The following MLLT10 variants were observed in gnomAD, a reference collection of about 807,000 sequenced individuals.
MLLT10 encodes MLLT10 histone lysine methyltransferase DOT1L cofactor, also known as protein AF-10.
In MLLT10, 30 loss-of-function variants were observed where a neutral mutation model predicts 129.1. That is an observed-to-expected ratio of 0.23 (90% CI 0.17 to 0.32). The LOEUF (loss-of-function observed/expected upper bound fraction) is 0.32, where lower values mean the gene tolerates loss of function less well. Among genes scored for constraint, MLLT10 ranks in the 10% least tolerant of loss-of-function variants. The probability of loss-of-function intolerance (pLI) is 1.00; values close to 1 mark genes in which losing one functional copy is unlikely to be tolerated. For missense variants in MLLT10, 1,119 were observed against 1,268.3 expected (o/e 0.88, Z 1.79); for synonymous variants, 490 against 446.4 (o/e 1.10, Z -1.23).
intron 5 of MLLT10, among the ~76,000 whole-genome samples, chr10:21,597,226 A>G (rs1364199803): frequency 6.6e-6 from 1 of 152,226 alleles, no homozygotes; most frequent in African/African-American, 2.4e-5. Flanking sequence ...TCTCTTGGGA[A>G]TATACAATAT....
intron 3 of MLLT10, among the ~76,000 whole-genome samples, chr10:21,583,025 C>T (rs2041633372): frequency 6.6e-6 from 1 of 152,064 alleles, no homozygotes; most frequent in South Asian, 2.1e-4. Flanking sequence ...AAAAAGTTAG[C>T]TGGACGTGGT....
intron 10 of MLLT10, among the ~76,000 whole-genome samples, chr10:21,671,514 A>C (rs2051400803): frequency 6.6e-6 from 1 of 152,150 alleles, no homozygotes; most frequent in African/African-American, 2.4e-5. Flanking sequence ...TGAACTGGGC[A>C]CAGTGGCTCA....
intron 13 of MLLT10, among the ~76,000 whole-genome samples, chr10:21,710,561 AC>A (rs774649637): frequency 1.4e-4 from 22 of 152,354 alleles, no homozygotes; most frequent in Non-Finnish European, 2.9e-4. Context: ...ACTGTAACTT[AC>A]CATGCTTCTC....
intron 9 of MLLT10, among the ~76,000 whole-genome samples, chr10:21,667,379 T>TC (rs2050921667): frequency 6.6e-6 from 1 of 151,202 alleles, no homozygotes; most frequent in African/African-American, 2.4e-5. Flanking sequence ...TTTTTTTTTT[T>TC]CATCAATTTT....
chr10:21,670,718 T>C lies in MLLT10; in HGVS notation c.1051+14T>C. ...CTTTTCCTCAAGGTATTAGTGATGT[T>C]TTAGTTAAAATACTTGTGTTTAAGA... is the stretch of plus-strand genomic sequence containing the variant. On this transcript the variant is annotated intron_variant, in intron 10 of 22. Transcript: ENST00000307729. 6.2e-7 allele frequency: 1 copy of C among 1,600,726 alleles called. No individual in the cohort carries two copies. Among genetic ancestry groups the C allele is most frequent in the South Asian group, 1.1e-5 (1 of 88,776 alleles).
At chr10:21,617,054 A>T (rs2045336204) in intron 7 of MLLT10, 58 bp from the exon 8 acceptor site, 1 of 767,354 alleles carries the variant, frequency 1.3e-6, no homozygotes, top group Non-Finnish European at 1.9e-6. Flanking sequence ...TAACAAAAAG[A>T]TTTGTTTAAA....
intron 3 of MLLT10, among the ~76,000 whole-genome samples, chr10:21,560,857 T>G (rs1053314467): frequency 1.3e-4 from 20 of 152,250 alleles, no homozygotes; most frequent in Non-Finnish European, 2.8e-4. Context: ...TTCATCTGCT[T>G]CTTGGCCATT....
At chr10:21,704,582 G>A (rs1044083832) in intron 13 of MLLT10, among the ~76,000 whole-genome samples, 1 of 143,594 alleles carries the variant, frequency 7.0e-6, no homozygotes, top group Non-Finnish European at 1.5e-5. Context: ...CGGAATTATT[G>A]TGTGCCCTTT....
At chr10:21,735,275 T>C (rs766086885) in intron 21 of MLLT10, 40 bp downstream of exon 21, 4 of 1,404,504 alleles carry the variant, frequency 2.8e-6, no homozygotes, top group Non-Finnish European at 4.0e-6. Context: ...TAGGAGCATG[T>C]GTTCTAAGCT....
intron 9 of MLLT10, 51 bp downstream of exon 9, chr10:21,651,819 T>C (rs763750824): frequency 1.5e-6 from 2 of 1,302,712 alleles, no homozygotes; most frequent in South Asian, 2.6e-5. Context: ...GTTATTGTGC[T>C]GATTTTCACC....
intron 3 of MLLT10, among the ~76,000 whole-genome samples, chr10:21,558,633 TCCTTGG>T (rs772881608): frequency 6.6e-6 from 1 of 151,412 alleles, no homozygotes; most frequent in Non-Finnish European, 1.5e-5. Flanking sequence ...CAGTCCTCCC[TCCTTGG>T]CCTCCCAAGG....
At chr10:21,739,764 T>C (rs1395884036) in intron 21 of MLLT10, among the ~76,000 whole-genome samples, 2 of 152,226 alleles carry the variant, frequency 1.3e-5, no homozygotes, top group African/African-American at 4.8e-5. Flanking sequence ...TCTCTTAAGC[T>C]GCTGCACTTC....
rs186191883 is a variant in MLLT10 at position 21,621,291 on chromosome 10, C to G, written c.699+4084C>G. ...ACGGAGTCTCGCTCTGTTGCCTAGG[C>G]TGGAGTGCAGTGGCGCGATCTGGGC... On this transcript the variant is annotated intron_variant, in intron 8 of 22. Transcript: ENST00000307729. Among the ~76,000 whole-genome samples, 78 of 145,288 alleles carry G rather than the reference C, an allele frequency of 5.4e-4. No individual in the cohort carries two copies. The East Asian group carries it at 0.013, about 25-fold the overall frequency.
At chr10:21,595,299 T>G (rs368976676) in intron 4 of MLLT10, 32 bp from the exon 5 acceptor site, 74 of 1,565,108 alleles carry the variant, frequency 4.7e-5, no homozygotes, top group Admixed American at 1.9e-4. Context: ...TCGATAAAAC[T>G]GAAAAGATGA....
At chr10:21,603,827 G>GTTT (rs35036317) in intron 5 of MLLT10, among the ~76,000 whole-genome samples, 5 of 142,524 alleles carry the variant, frequency 3.5e-5, no homozygotes, top group Non-Finnish European at 7.7e-5. Context: ...TTGTTTTTTT[G>GTTT]TTTTTTTTTT....
At chr10:21,733,179 A>G (rs777408435) in intron 18 of MLLT10, 92 bp downstream of exon 18, 9 of 1,252,530 alleles carry the variant, frequency 7.2e-6, no homozygotes, top group African/African-American at 3.0e-5. Flanking sequence ...CACCAGTTAT[A>G]TGAAGATGTA....
intron 13 of MLLT10, among the ~76,000 whole-genome samples, chr10:21,700,472 C>T (rs2054805670): frequency 6.6e-6 from 1 of 152,044 alleles, no homozygotes; most frequent in Non-Finnish European, 1.5e-5. Context: ...TTAGCTTTTT[C>T]CTGTTGAGTA....
chr10:21,577,116 A>G (rs567202609), intron 3 of MLLT10, among the ~76,000 whole-genome samples: 1 of 152,340 alleles, frequency 6.6e-6, no homozygotes, highest in African/African-American at 2.4e-5. Flanking sequence ...TATAAATGGA[A>G]TCATATGATA....
rs138823683 is a variant in MLLT10 at position 21,709,265 on chromosome 10, T to A, written c.1700-4507T>A. Among the ~76,000 whole-genome samples the A allele has an allele frequency of 1.4e-3, 211 of 151,532 alleles. 4 individuals carry two copies. The highest frequency in any genetic ancestry group is 4.8e-3 in the African/African-American group (197 of 41,314). On this transcript the variant is annotated intron_variant, in intron 13 of 22. Transcript: ENST00000307729. The stretch of plus-strand genomic sequence containing the variant: ...TTTTTTTCCTTTTTTTGAGATGGAG[T>A]CTTGCTCTGTCGCCCAGGCTGGAGT...
Sources: allele counts gnomAD v4.1 joint callset (sites outside exome capture counted in the v4.1 genomes callset), GRCh38; gene constraint gnomAD v4.1.1; transcripts MANE v1.5; gene names NCBI Gene and HGNC (gene_info 2026-07-23, HGNC 2026-07-21).